The following NRXN2 variants were observed in gnomAD, a reference collection of about 807,000 sequenced individuals.
NRXN2 encodes neurexin-2-beta.
A neutral mutation model predicts 128.8 loss-of-function variants in NRXN2; 29 were observed. That is an observed-to-expected ratio of 0.23 (90% CI 0.17 to 0.31). NRXN2 has a LOEUF of 0.31. Ranked by LOEUF, NRXN2 falls within the 10% of genes least tolerant of loss-of-function variation. NRXN2 has a pLI of 1.00. For missense variants in NRXN2, 1,881 were observed against 2,452.6 expected (o/e 0.77, Z 4.92); for synonymous variants, 1,098 against 1,075.2 (o/e 1.02, Z -0.41).
At chr11:64,656,852 G>C (rs1311277265) in intron 11 of NRXN2, among the ~76,000 whole-genome samples, 2 of 152,220 alleles carry the variant, frequency 1.3e-5, no homozygotes, top group Non-Finnish European at 2.9e-5. Context: ...GGAAGCTGCA[G>C]CAGGAGGCAC....
Position 64,660,616 on chromosome 11 carries a change from G to A in NRXN2, c.2186-81C>T, listed in dbSNP as rs2048891116. 7 of 1,591,084 alleles carry A rather than the reference G, an allele frequency of 4.4e-6. No individual in the cohort carries two copies. The South Asian group carries it at 7.7e-5, about 18-fold the overall frequency. ...GGAGAAGACCAGAGAATCATTACAA[G>A]GGCGAAAAGCCTAGGGCAGGTCTAT... On this transcript the variant is annotated intron_variant, in intron 10 of 22. Transcript: ENST00000265459. This position sits in a 1 kb window ranked among gnomAD's most constrained non-coding sequence, Gnocchi z 5.2.
intron 6 of NRXN2, among the ~76,000 whole-genome samples, chr11:64,681,577 A>C (rs1465504420): frequency 6.6e-6 from 1 of 152,196 alleles, no homozygotes; most frequent in Non-Finnish European, 1.5e-5. Flanking sequence ...TGAGTGTTTT[A>C]AGGCAATACC....
intron 22 of NRXN2, among the ~76,000 whole-genome samples, chr11:64,617,568 G>A (rs747691427): frequency 2.0e-5 from 3 of 152,226 alleles, no homozygotes; most frequent in Non-Finnish European, 4.4e-5. Context: ...AGGGAAAAGG[G>A]TGAAAAGGTG....
Position 64,648,594 on chromosome 11 carries a change from G to C in NRXN2, c.3283+140C>G. ...TTCACACACCTGTATCCCTGCCCCA[G>C]AACTGTGGGGGCAAGCTCCCATAAG... is the stretch of plus-strand genomic sequence containing the variant. On this transcript the variant is annotated intron_variant, in intron 16 of 22. Coordinates refer to ENST00000265459, the MANE Select transcript of NRXN2 (RefSeq NM_015080.4). The surrounding 1 kb of genome is among the most constrained non-coding windows in gnomAD (Gnocchi z 4.1). 1 of 1,227,332 alleles carries C rather than the reference G, an allele frequency of 8.1e-7. No individual in the cohort carries two copies. The highest frequency in any genetic ancestry group is 1.2e-6 in the Non-Finnish European group (1 of 844,520). The allele number at this position is 1,227,332 out of a possible 1,614,324, so 76.0% of individuals were successfully genotyped here.
In NRXN2 at chr11:64,660,214, CAAA is replaced by C; in HGVS notation, c.2389+115_2389+117del. ...ACCCAGGCTGGCGCCTCCCCACCTC[CAAA>C]CTCTGCTGAGGGCACCTCTTGCTGG... On this transcript the variant is annotated intron_variant, in intron 11 of 22. Transcript: ENST00000265459. The surrounding 1 kb of genome is among the most constrained non-coding windows in gnomAD (Gnocchi z 5.2). 1 of 1,201,340 alleles carries C rather than the reference CAAA, an allele frequency of 8.3e-7. No individual in the cohort carries two copies. Among genetic ancestry groups the C allele is most frequent in the Non-Finnish European group, 1.2e-6 (1 of 814,608 alleles). 74.4% of individuals were successfully genotyped at this position (1,201,340 alleles called of 1,614,324 possible). A position where few individuals can be genotyped will look rare whatever the true frequency, so the allele number is the denominator to read the frequency against.
chr11:64,680,448 C>A (rs571932830), intron 6 of NRXN2, among the ~76,000 whole-genome samples: 2 of 152,328 alleles, frequency 1.3e-5, no homozygotes, highest in East Asian at 3.9e-4. Flanking sequence ...GGACAAACCC[C>A]AGCCTCCTTT....
chr11:64,626,255 AC>A (rs1454475676), intron 20 of NRXN2, among the ~76,000 whole-genome samples: 2 of 151,030 alleles, frequency 1.3e-5, no homozygotes, highest in African/African-American at 2.4e-5. Context: ...CTAAGAAAAA[AC>A]CCCACTCCTA....
chr11:64,650,701 A>T lies in NRXN2; in HGVS notation c.2919-63T>A, dbSNP rs935097312. The T allele has an allele frequency of 5.3e-6, 8 of 1,505,710 alleles. No individual in the cohort carries two copies. The African/African-American group carries it at 1.1e-4, about 21-fold the overall frequency. 93.3% of individuals were successfully genotyped at this position (1,505,710 alleles called of 1,614,324 possible). ...GGGGTGATGCTGGGAAGGTGGGGTG[A>T]GGAGGAGCTATGGCTGGCAGGGGTC... On this transcript the variant is annotated intron_variant, in intron 14 of 22. Transcript: ENST00000265459.
At chr11:64,615,023 G>A (rs2041258628) in intron 22 of NRXN2, among the ~76,000 whole-genome samples, 1 of 152,192 alleles carries the variant, frequency 6.6e-6, no homozygotes, top group African/African-American at 2.4e-5. Context: ...CACTAGCTGG[G>A]CCCCAGACCT....
rs908326138 is a variant in NRXN2, at chr11:64,633,157, C to T, written c.3585+2114G>A. On this transcript the variant is annotated intron_variant, in intron 18 of 22. Transcript: ENST00000265459. ...TACTTGTTCCTCCATAGCCTTGCAC[C>T]TTTAAGGCCTGTTCACAACTGTTGG... 3.7e-4 allele frequency among the ~76,000 whole-genome samples: 57 copies of T among 152,324 alleles called. 1 individual carries two copies. Among genetic ancestry groups the T allele is most frequent in the African/African-American group, 1.3e-3 (56 of 41,574 alleles).
At chr11:64,697,276 C>T (rs2054681072) in intron 3 of NRXN2, among the ~76,000 whole-genome samples, 1 of 152,140 alleles carries the variant, frequency 6.6e-6, no homozygotes, top group African/African-American at 2.4e-5. Context: ...CCCTACTCTG[C>T]CAGTGCACTC....
At chr11:64,697,390 C>T (rs189138234) in intron 3 of NRXN2, among the ~76,000 whole-genome samples, 4 of 152,296 alleles carry the variant, frequency 2.6e-5, no homozygotes, top group African/African-American at 4.8e-5. Flanking sequence ...CAGCCTGCCC[C>T]AGCATCTGGA....
chr11:64,678,825 G>C (rs2051737404), intron 6 of NRXN2, among the ~76,000 whole-genome samples: 1 of 151,934 alleles, frequency 6.6e-6, no homozygotes, highest in South Asian at 2.1e-4. Flanking sequence ...GTATTCTAGG[G>C]ACAGATCCAT....
chr11:64,674,243 T>G (rs1397087187), intron 7 of NRXN2, among the ~76,000 whole-genome samples: 1 of 152,026 alleles, frequency 6.6e-6, no homozygotes, highest in Non-Finnish European at 1.5e-5. Context: ...CAGGCTGGAG[T>G]GCAGAGGCGT....
intron 17 of NRXN2, among the ~76,000 whole-genome samples, chr11:64,642,378 G>A (rs139888762): frequency 6.6e-6 from 1 of 152,000 alleles, no homozygotes; most frequent in Non-Finnish European, 1.5e-5. Flanking sequence ...GAGATGATGG[G>A]AGCTGGAGAT....
intron 22 of NRXN2, among the ~76,000 whole-genome samples, chr11:64,616,481 G>A (rs2041548180): frequency 6.6e-6 from 1 of 152,144 alleles, no homozygotes; most frequent in African/African-American, 2.4e-5. Context: ...GTAGGACTCT[G>A]TGGTCTGAGC....
At chr11:64,649,669 G>A (rs2047193498) in intron 15 of NRXN2, among the ~76,000 whole-genome samples, 1 of 152,146 alleles carries the variant, frequency 6.6e-6, no homozygotes, top group Non-Finnish European at 1.5e-5. Context: ...GAGGGAGTGG[G>A]GCAGTTAATT....
At chr11:64,637,724 G>C (rs1174657345) in intron 17 of NRXN2, among the ~76,000 whole-genome samples, 1 of 152,124 alleles carries the variant, frequency 6.6e-6, no homozygotes, top group African/African-American at 2.4e-5. Flanking sequence ...TGATCCCTCA[G>C]ACCAGGGAAG....
At chr11:64,643,759 T>C (rs2046194088) in intron 17 of NRXN2, among the ~76,000 whole-genome samples, 1 of 150,756 alleles carries the variant, frequency 6.6e-6, no homozygotes, top group Non-Finnish European at 1.5e-5. Flanking sequence ...CGCCCGCCCC[T>C]CCCCCGCGCC....
Sources: gnomAD v4.1 joint callset for allele counts (sites outside exome capture counted in the v4.1 genomes callset) on GRCh38, gnomAD v4.1.1 for gene constraint, Gnocchi (gnomAD v3.1) non-coding constraint, MANE v1.5 for transcripts, NCBI Gene and HGNC (gene_info 2026-07-23, HGNC 2026-07-21) for gene names.